STOX1: variants seen among roughly 807,000 people sequenced by gnomAD.
The protein encoded by STOX1 is storkhead-box protein 1.
In STOX1, 57 loss-of-function variants were observed where a neutral mutation model predicts 74.8. The observed-to-expected ratio is 0.76, with a 90% CI of 0.62 to 0.95. The LOEUF (loss-of-function observed/expected upper bound fraction) is 0.95, where lower values mean the gene tolerates loss of function less well. STOX1 is among the 40% of genes least tolerant of loss of function. The pLI is 0.00. For missense variants in STOX1, 1,010 were observed against 1,117.0 expected (o/e 0.90, Z 1.37); for synonymous variants, 375 against 401.3 (o/e 0.93, Z 0.78).
chr10:68,880,843 G>A (rs1175193065), intron 1 of STOX1, among the ~76,000 whole-genome samples: 6 of 151,914 alleles, frequency 3.9e-5, no homozygotes, highest in Non-Finnish European at 5.9e-5. Context: ...ACAGGAGCCC[G>A]CCACCGTGTC....
chr10:68,874,013 C>CTTTTTTT (rs1160388935), intron 1 of STOX1, among the ~76,000 whole-genome samples: 1,673 of 25,680 alleles, frequency 0.065, 404 homozygotes, highest in African/African-American at 0.08. Flanking sequence ...GCTAGGTAGC[C>CTTTTTTT]TTTTTTTTTT....
chr10:68,877,995 A>G (rs1390411455), intron 1 of STOX1, among the ~76,000 whole-genome samples: 2 of 152,102 alleles, frequency 1.3e-5, no homozygotes, highest in Admixed American at 6.6e-5. Flanking sequence ...TCTTGTTTCT[A>G]TGGCTGTCCT....
At chr10:68,860,569 CA>C (rs11353333) in intron 1 of STOX1, among the ~76,000 whole-genome samples, 21,232 of 63,528 alleles carry the variant, frequency 0.33, 1,046 homozygotes, top group East Asian at 0.45. Flanking sequence ...GACTCTGTCT[CA>C]AAAAAAAAAA....
chr10:68,843,834 A>G (rs1162076781), intron 1 of STOX1, among the ~76,000 whole-genome samples: 1 of 150,964 alleles, frequency 6.6e-6, no homozygotes, highest in African/African-American at 2.4e-5. Context: ...TGCTGGGATT[A>G]CAGGTGTGAG....
In STOX1 at chr10:68,861,331, T is replaced by G. The variant is rs1377423485; in HGVS notation, c.311-20627T>G. On this transcript the variant is annotated intron_variant, in intron 1 of 3. Coordinates refer to ENST00000298596, the MANE Select transcript of STOX1 (RefSeq NM_152709.5). The stretch of plus-strand genomic sequence containing the variant: ...AGAACAAAGGGACAGGGTCTGGCTT[T>G]TTATCTGCAGCAGGAACATGTCCTT... 7.2e-5 allele frequency among the ~76,000 whole-genome samples: 11 copies of G among 152,264 alleles called. No individual in the cohort carries two copies. The East Asian group carries it at 1.9e-3, about 27-fold the overall frequency.
intron 3 of STOX1, among the ~76,000 whole-genome samples, chr10:68,888,483 A>C (rs1457330447): frequency 3.3e-5 from 5 of 152,080 alleles, no homozygotes; most frequent in Non-Finnish European, 7.4e-5. Flanking sequence ...ATAGATCTAT[A>C]GATTTTGTCT....
At chr10:68,882,141 T>G in intron 2 of STOX1, 31 bp downstream of exon 2, 1 of 1,600,868 alleles carries the variant, frequency 6.2e-7, no homozygotes, top group Non-Finnish European at 8.6e-7. Flanking sequence ...CTATTTGTAC[T>G]TCACTGTATG....
intron 1 of STOX1, among the ~76,000 whole-genome samples, chr10:68,852,274 C>T (rs1401480913): frequency 2.9e-4 from 18 of 62,294 alleles, no homozygotes; most frequent in African/African-American, 5.7e-4. Context: ...TTTTTTGAGA[C>T]GGAGTCTCGC....
chr10:68,835,934 T>G (rs1839537089), intron 1 of STOX1, among the ~76,000 whole-genome samples: 1 of 151,926 alleles, frequency 6.6e-6, no homozygotes. Flanking sequence ...TGCAGTGGTG[T>G]GATCTCGGCT....
Position 68,875,352 on chromosome 10 carries a change from A to T in STOX1, c.311-6606A>T, listed in dbSNP as rs140973356. Among the ~76,000 whole-genome samples, 10 of 152,338 alleles carry T rather than the reference A, an allele frequency of 6.6e-5. No homozygotes were observed. In the East Asian group the frequency reaches 1.9e-3, roughly 29 times the overall value. Reference sequence around the variant, plus strand: ...TAACTGGAAGATTTTAGGAGTCCACAGGGCCCCTGGTTGAAGATCTTTCCA... The same window carrying T: ...TAACTGGAAGATTTTAGGAGTCCACTGGGCCCCTGGTTGAAGATCTTTCCA... On this transcript the variant is annotated intron_variant, in intron 1 of 3. Coordinates refer to ENST00000298596, the MANE Select transcript of STOX1 (RefSeq NM_152709.5).
intron 1 of STOX1, among the ~76,000 whole-genome samples, chr10:68,829,948 A>G (rs1454789877): frequency 1.3e-5 from 2 of 152,164 alleles, no homozygotes; most frequent in Non-Finnish European, 1.5e-5. Context: ...ATTAGTGGTT[A>G]CATTCTCAGG....
chr10:68,882,743 C>T (rs1181288951), intron 2 of STOX1, among the ~76,000 whole-genome samples: 3 of 152,136 alleles, frequency 2.0e-5, no homozygotes, highest in Non-Finnish European at 2.9e-5. Flanking sequence ...ATGATCCACC[C>T]GCCTTGGCCC....
intron 1 of STOX1, among the ~76,000 whole-genome samples, chr10:68,863,928 T>TG (rs1840332029): frequency 6.9e-6 from 1 of 144,600 alleles, no homozygotes. Flanking sequence ...TTGTTTTTTT[T>TG]TTTTTTTTTT....
intron 1 of STOX1, among the ~76,000 whole-genome samples, chr10:68,853,680 T>G (rs1157205351): frequency 6.6e-6 from 1 of 151,742 alleles, no homozygotes; most frequent in Non-Finnish European, 1.5e-5. Context: ...TCATTTTTTT[T>G]TTGTTTTTTG....
At chr10:68,874,593 G>A (rs1471211776) in intron 1 of STOX1, among the ~76,000 whole-genome samples, 2 of 85,844 alleles carry the variant, frequency 2.3e-5, no homozygotes, top group Non-Finnish European at 4.7e-5. Flanking sequence ...CCCGGGAGGC[G>A]GAGCTTGCAG....
intron 1 of STOX1, among the ~76,000 whole-genome samples, chr10:68,839,369 C>T (rs751187693): frequency 3.3e-5 from 5 of 151,780 alleles, no homozygotes; most frequent in Admixed American, 1.3e-4. Context: ...ACCAGAAGTG[C>T]GTGCCACCAC....
chr10:68,883,976 T>G (rs1840873208), intron 2 of STOX1, among the ~76,000 whole-genome samples: 1 of 151,862 alleles, frequency 6.6e-6, no homozygotes, highest in Non-Finnish European at 1.5e-5. Context: ...CTTCCACACC[T>G]GGCTAATGTT....
intron 1 of STOX1, among the ~76,000 whole-genome samples, chr10:68,844,874 G>A (rs1053841578): frequency 1.1e-4 from 16 of 150,476 alleles, no homozygotes; most frequent in Admixed American, 6.6e-5. Context: ...TTGATTCTCC[G>A]GCCTCAGCCT....
intron 1 of STOX1, among the ~76,000 whole-genome samples, chr10:68,880,645 T>C (rs1407041988): frequency 1.3e-5 from 2 of 152,144 alleles, no homozygotes; most frequent in East Asian, 3.8e-4. Context: ...ATGTGCTCTT[T>C]TGTGGGTTCC....
Sources: allele counts gnomAD v4.1 joint callset (sites outside exome capture counted in the v4.1 genomes callset), GRCh38; gene constraint gnomAD v4.1.1; transcripts MANE v1.5; gene names NCBI Gene and HGNC (gene_info 2026-07-23, HGNC 2026-07-21).